Variants in ZNF286A observed in about 807,000 individuals in gnomAD.
The protein encoded by ZNF286A is zinc finger protein 286A, also known as zinc finger protein ZNF286.
In ZNF286A, 34 loss-of-function variants were observed where a neutral mutation model predicts 49.3. That is an observed-to-expected ratio of 0.69 (90% confidence interval 0.52 to 0.92). The LOEUF is 0.92. Among genes scored for constraint, ZNF286A ranks in the 40% least tolerant of loss-of-function variants. The probability of loss-of-function intolerance (pLI) is 0.00; values close to 1 mark genes in which losing one functional copy is unlikely to be tolerated. For missense variants in ZNF286A, 462 were observed against 600.2 expected, an observed-to-expected ratio of 0.77 and a Z score of 2.41; for synonymous variants, 155 against 200.4, an observed-to-expected ratio of 0.77 and a Z score of 1.91.
intron 4 of ZNF286A, 31 bp from the exon 5 acceptor site, chr17:15,708,124 T>C (rs775089650): frequency 2.0e-6 from 3 of 1,491,096 alleles, no homozygotes; most frequent in Middle Eastern, 1.8e-4. Context: ...TACTTTCTTC[T>C]TTCTGTCTTT....
At chr17:15,715,563 T>G (rs971079862) in intron 5 of ZNF286A, among the ~76,000 whole-genome samples, 3 of 152,128 alleles carry the variant, frequency 2.0e-5, no homozygotes, top group Admixed American at 2.0e-4. Context: ...CATAGGAGGT[T>G]TTTGATCAGC....
chr17:15,714,889 ATAGT>A (rs1966949948), intron 5 of ZNF286A, among the ~76,000 whole-genome samples: 1 of 152,052 alleles, frequency 6.6e-6, no homozygotes, highest in Non-Finnish European at 1.5e-5. Context: ...TTTTCTTCTA[ATAGT>A]TAATCAGTTG....
intron 4 of ZNF286A, among the ~76,000 whole-genome samples, chr17:15,707,104 T>G (rs1186774701): frequency 6.6e-6 from 1 of 152,174 alleles, no homozygotes; most frequent in Non-Finnish European, 1.5e-5. Flanking sequence ...TGGAGGGGAC[T>G]GTTAGCCCCT....
At chr17:15,704,987 G>A (rs1208931518) in intron 3 of ZNF286A, 37 of 1,040,102 alleles carry the variant, frequency 3.6e-5, no homozygotes, top group Non-Finnish European at 4.9e-5. Context: ...AACTGCTGCC[G>A]CTGCGGCCCT....
Position 15,708,216 on chromosome 17 carries a change from T to C in ZNF286A, c.303T>C (p.Leu101=). ...NLENGKEPLK[L]ERKAPKSSYS... is the part of the protein sequence containing the mutation. Reference sequence around the variant, plus strand: ...AGAATGGAAAAGAACCATTGAAGCTTGAGAGAAAAGCCCCCAAAAGCAGCT... The same window carrying C: ...AGAATGGAAAAGAACCATTGAAGCTCGAGAGAAAAGCCCCCAAAAGCAGCT... The change falls in exon 5 of 6, where the codon CTT becomes CTC. Residue 101 remains leucine, a synonymous_variant. Coordinates refer to ENST00000583566, the MANE Select transcript of ZNF286A (RefSeq NM_001130842.2). The C allele has an allele frequency of 6.3e-7, 1 of 1,592,272 alleles. No homozygotes were observed. Among genetic ancestry groups the C allele is most frequent in the Non-Finnish European group, 8.6e-7 (1 of 1,169,510 alleles).
At chr17:15,705,332 TTC>T (rs1347164175) in intron 3 of ZNF286A, among the ~76,000 whole-genome samples, 1 of 152,200 alleles carries the variant, frequency 6.6e-6, no homozygotes, top group Non-Finnish European at 1.5e-5. Context: ...TGTCTTATTT[TTC>T]TCTTTTTAAA....
chr17:15,713,042 T>C (rs1302065722), intron 5 of ZNF286A, among the ~76,000 whole-genome samples: 4 of 152,200 alleles, frequency 2.6e-5, no homozygotes, highest in South Asian at 4.1e-4. Context: ...CATCTACCAA[T>C]AGTTACTATA....
intron 4 of ZNF286A, among the ~76,000 whole-genome samples, chr17:15,706,942 C>G (rs1219498840): frequency 1.3e-5 from 2 of 152,284 alleles, no homozygotes; most frequent in Non-Finnish European, 2.9e-5. Flanking sequence ...GAAAATGCTT[C>G]TTTCCTGGGA....
At position 15,719,117 on chromosome 17, in the gene ZNF286A, G is replaced by T; in HGVS notation, c.*1827G>T. ...AACATGAGATTTGGGTGGGGATACA[G>T]ATCTAAACTGTATCATTACTCAAAA... On this transcript the variant is annotated 3_prime_UTR_variant, in exon 6 of 6. Coordinates refer to ENST00000583566, the MANE Select transcript of ZNF286A (RefSeq NM_001130842.2). The T allele has an allele frequency of 1.2e-5, 1 of 80,984 alleles. No homozygotes were observed. Among genetic ancestry groups the T allele is most frequent in the African/African-American group, 6.3e-5 (1 of 15,912 alleles). 5.0% of individuals were successfully genotyped at this position (80,984 alleles called of 1,614,324 possible). A position where few individuals can be genotyped will look rare whatever the true frequency, so the allele number is the denominator to read the frequency against.
intron 5 of ZNF286A, chr17:15,709,897 G>T (rs1273334430): frequency 6.5e-6 from 10 of 1,541,508 alleles, no homozygotes; most frequent in African/African-American, 4.1e-5. Flanking sequence ...AGAAGAATTA[G>T]TAGGTCTTAA....
intron 3 of ZNF286A, chr17:15,704,467 G>A: frequency 1.2e-6 from 2 of 1,612,982 alleles, no homozygotes; most frequent in East Asian, 2.2e-5. Context: ...GGCCCGAGCC[G>A]CATACTCCTC....
Position 15,718,913 on chromosome 17 carries a change from TAGAGCA to T in ZNF286A, c.*1628_*1633del, listed in dbSNP as rs1181500348. 1.1e-4 allele frequency: 15 copies of T among 136,618 alleles called. No individual in the cohort carries two copies. In the South Asian group the frequency reaches 4.0e-3, roughly 36 times the overall value. The allele number at this position is 136,618 out of a possible 1,614,324, so 8.5% of individuals were successfully genotyped here. ...GCCAGAGCAGGTATCTTCACAGGGC[TAGAGCA>T]AGAGGAAAAGAGAGAGGGGAGGTGC... On this transcript the variant is annotated 3_prime_UTR_variant, in exon 6 of 6. Coordinates refer to ENST00000583566, the MANE Select transcript of ZNF286A (RefSeq NM_001130842.2).
intron 3 of ZNF286A, among the ~76,000 whole-genome samples, chr17:15,702,114 C>CT (rs1989820174): frequency 6.8e-6 from 1 of 146,744 alleles, no homozygotes; most frequent in African/African-American, 2.5e-5. Context: ...GAGGGAAACT[C>CT]TGTCTCAAAA....
At chr17:15,700,897 T>G (rs1989720411) in intron 2 of ZNF286A, among the ~76,000 whole-genome samples, 1 of 113,414 alleles carries the variant, frequency 8.8e-6, no homozygotes, top group Non-Finnish European at 1.9e-5. Flanking sequence ...TTTACTGACA[T>G]ATTCTAATTT....
chr17:15,707,948 C>T (rs1190773549), intron 4 of ZNF286A, among the ~76,000 whole-genome samples: 1 of 151,578 alleles, frequency 6.6e-6, no homozygotes, highest in Non-Finnish European at 1.5e-5. Context: ...CCCCGGAGTT[C>T]GAGACCTGCC....
intron 3 of ZNF286A, chr17:15,704,947 T>A: frequency 6.7e-7 from 1 of 1,500,224 alleles, no homozygotes; most frequent in Admixed American, 2.3e-5. Context: ...CTTCCTGCGT[T>A]CTTCGGTCCG....
At position 15,701,299 on chromosome 17, in the gene ZNF286A, C is replaced by A. The variant is rs1989758840; in HGVS notation, c.126+59C>A. On this transcript the variant is annotated intron_variant, in intron 3 of 5. Transcript: ENST00000583566. ...GTTTCTTAGAGTACAGATGCACTCC[C>A]TTCTTTGTGATGTGGAGTTTCTTTA... is the stretch of plus-strand genomic sequence containing the variant. 9.1e-5 allele frequency: 137 copies of A among 1,510,940 alleles called. 3 individuals are homozygous for A. The South Asian group carries it at 1.6e-3, about 18-fold the overall frequency. The allele number at this position is 1,510,940 out of a possible 1,614,324, so 93.6% of individuals were successfully genotyped here.
At chr17:15,706,583 C>A in intron 4 of ZNF286A, 82 bp downstream of exon 4, 2 of 1,064,686 alleles carry the variant, frequency 1.9e-6, no homozygotes, top group Non-Finnish European at 2.7e-6. Flanking sequence ...ACAAAGCCTT[C>A]ACCTTTGCAT....
In ZNF286A at chr17:15,716,339, C is replaced by T. The variant is rs1421415181; in HGVS notation, c.615C>T (p.Ile205=). ...GCTTCAATCAGAAATCTGTCCTTAT[C>T]ACTGAAGACAGAGTTCCCAAAGGAT... The part of the protein sequence containing the change: ...WKSFNQKSVL[I]TEDRVPKGSY... Residue 205 remains isoleucine, a synonymous_variant, in exon 6 of 6, where the codon ATC becomes ATT. Coordinates refer to ENST00000583566, the MANE Select transcript of ZNF286A (RefSeq NM_001130842.2). 1 of 1,613,872 alleles carries T rather than the reference C, an allele frequency of 6.2e-7. No homozygotes were observed. The highest frequency in any genetic ancestry group is 1.3e-5 in the African/African-American group (1 of 75,046).
Sources: allele counts gnomAD v4.1 joint callset (sites outside exome capture counted in the v4.1 genomes callset), GRCh38; gene constraint gnomAD v4.1.1; transcripts MANE v1.5; gene names NCBI Gene and HGNC (gene_info 2026-07-23, HGNC 2026-07-21).